The following DPYD variants were observed in gnomAD, a reference collection of about 807,000 sequenced individuals.
DPYD encodes dihydropyrimidine dehydrogenase [NADP(+)].
Under a neutral mutation model 116.2 loss-of-function variants are expected in DPYD, and 109 were observed. The ratio of observed to expected loss-of-function variants is 0.94; its 90% CI spans 0.80 to 1.10. DPYD has a LOEUF of 1.10. Ranked by LOEUF, DPYD falls within the 50% of genes least tolerant of loss-of-function variation. DPYD has a pLI of 0.00. For missense variants in DPYD, 1,302 were observed against 1,254.5 expected (o/e 1.04, Z -0.57); for synonymous variants, 440 against 432.0 (o/e 1.02, Z -0.23).
chr1:97,679,043 G>T, intron 8 of DPYD, 52 bp downstream of exon 8: 1 of 883,406 alleles, frequency 1.1e-6, no homozygotes, highest in Non-Finnish European at 1.7e-6. Flanking sequence ...GATATTGCTA[G>T]GAAATAAAAA....
intron 8 of DPYD, among the ~76,000 whole-genome samples, chr1:97,604,031 A>T (rs1405804138): frequency 6.6e-6 from 1 of 152,164 alleles, no homozygotes; most frequent in Admixed American, 6.6e-5. Flanking sequence ...AAAGTGAAAC[A>T]ATGCAAGACT....
intron 5 of DPYD, among the ~76,000 whole-genome samples, chr1:97,716,512 CAG>C (rs956265497): frequency 3.3e-5 from 5 of 152,028 alleles, no homozygotes; most frequent in African/African-American, 1.2e-4. Context: ...TGTATAAAAT[CAG>C]AGTTATTACA....
At chr1:97,412,879 T>G (rs1002852677) in intron 14 of DPYD, among the ~76,000 whole-genome samples, 1 of 152,100 alleles carries the variant, frequency 6.6e-6, no homozygotes, top group African/African-American at 2.4e-5. Flanking sequence ...AACAGAAAGG[T>G]GTCCTTCCCC....
At chr1:97,529,648 T>A (rs1232902028) in intron 12 of DPYD, among the ~76,000 whole-genome samples, 1 of 152,034 alleles carries the variant, frequency 6.6e-6, no homozygotes, top group Admixed American at 6.5e-5. Flanking sequence ...TTGCTTACTT[T>A]ATCCCTTCCT....
chr1:97,881,932 C>T (rs2101639185), intron 2 of DPYD, among the ~76,000 whole-genome samples: 1 of 151,658 alleles, frequency 6.6e-6, no homozygotes, highest in South Asian at 2.1e-4. Flanking sequence ...GGGTGCAGCA[C>T]ACCAGCACAT....
chr1:97,329,942 A>G (rs1668904054), intron 16 of DPYD, among the ~76,000 whole-genome samples: 1 of 151,508 alleles, frequency 6.6e-6, no homozygotes. Flanking sequence ...TCTTATTTCT[A>G]TGTTATTTCT....
chr1:97,664,883 CA>C (rs1255297253), intron 8 of DPYD, among the ~76,000 whole-genome samples: 2 of 152,094 alleles, frequency 1.3e-5, no homozygotes, highest in Non-Finnish European at 2.9e-5. Context: ...CACACATACA[CA>C]GGGGAAAAGA....
chr1:97,504,134 G>T (rs1679752116), intron 13 of DPYD, among the ~76,000 whole-genome samples: 1 of 151,962 alleles, frequency 6.6e-6, no homozygotes, highest in Non-Finnish European at 1.5e-5. Flanking sequence ...GGGATTATAT[G>T]AGTCCCACTG....
At chr1:97,464,751 G>C (rs1397910899) in intron 13 of DPYD, among the ~76,000 whole-genome samples, 1 of 152,162 alleles carries the variant, frequency 6.6e-6, no homozygotes, top group Non-Finnish European at 1.5e-5. Context: ...TGGATGCCCA[G>C]GGCAGCAAAA....
At chr1:97,592,512 G>A (rs1298790523) in intron 10 of DPYD, among the ~76,000 whole-genome samples, 5 of 152,000 alleles carry the variant, frequency 3.3e-5, no homozygotes, top group Non-Finnish European at 5.9e-5. Flanking sequence ...GATTACAGGC[G>A]CCCACCACCA....
rs116941791 is a variant in DPYD at position 97,423,547 on chromosome 1, G to C, written c.1905+26512C>G. Among the ~76,000 whole-genome samples, 400 of 152,166 alleles carry C rather than the reference G, an allele frequency of 2.6e-3. 4 individuals carry two copies. Among genetic ancestry groups the C allele is most frequent in the East Asian group, 0.024 (123 of 5,160 alleles). On this transcript the variant is annotated intron_variant, in intron 14 of 22. Transcript: ENST00000370192. ...AGCTGACATAGTACCCTGGTGACCCGAATGAGTTAATGCATTGTCCTAAAG... is the reference window on the plus strand; with the variant it reads ...AGCTGACATAGTACCCTGGTGACCCCAATGAGTTAATGCATTGTCCTAAAG...
intron 5 of DPYD, among the ~76,000 whole-genome samples, chr1:97,715,370 A>G (rs1435729025): frequency 2.6e-5 from 4 of 152,158 alleles, no homozygotes; most frequent in African/African-American, 7.2e-5. Flanking sequence ...AAGGATGCCA[A>G]TGTAAACCTA....
intron 18 of DPYD, among the ~76,000 whole-genome samples, chr1:97,300,522 T>C (rs1666798816): frequency 1.3e-5 from 2 of 152,106 alleles, no homozygotes; most frequent in South Asian, 2.1e-4. Context: ...AATTGTAATG[T>C]GTGGTGTAAG....
chr1:97,312,729 C>A (rs554939382), intron 16 of DPYD, among the ~76,000 whole-genome samples: 45 of 151,880 alleles, frequency 3.0e-4, no homozygotes, highest in African/African-American at 8.7e-4. Context: ...ACAGACTATG[C>A]ATTTATGCTG....
At chr1:97,909,662 T>C (rs545555479) in intron 1 of DPYD, among the ~76,000 whole-genome samples, 1 of 152,180 alleles carries the variant, frequency 6.6e-6, no homozygotes, top group East Asian at 1.9e-4. Flanking sequence ...TATATACACA[T>C]CCTTCCTCCT....
At chr1:97,608,117 T>C (rs1309725424) in intron 8 of DPYD, among the ~76,000 whole-genome samples, 1 of 151,820 alleles carries the variant, frequency 6.6e-6, no homozygotes, top group African/African-American at 2.4e-5. Context: ...AAAGAATGAA[T>C]TGGCCAGAAG....
intron 4 of DPYD, among the ~76,000 whole-genome samples, chr1:97,730,065 T>A (rs1663500555): frequency 6.6e-6 from 1 of 152,178 alleles, no homozygotes; most frequent in Admixed American, 6.6e-5. Context: ...TTTTGATGAT[T>A]GTGTTTGTTA....
At chr1:97,280,876 C>T (rs749098359) in intron 18 of DPYD, among the ~76,000 whole-genome samples, 3 of 151,936 alleles carry the variant, frequency 2.0e-5, no homozygotes, top group Non-Finnish European at 4.4e-5. Context: ...CAAGATACCT[C>T]GAAGATTTTA....
intron 1 of DPYD, among the ~76,000 whole-genome samples, chr1:97,900,114 C>A (rs899517833): frequency 6.6e-6 from 1 of 151,842 alleles, no homozygotes; most frequent in Non-Finnish European, 1.5e-5. Flanking sequence ...TTTAAGGAGT[C>A]TCATTAAAGG....
Sources: gnomAD v4.1 joint callset for allele counts (sites outside exome capture counted in the v4.1 genomes callset) on GRCh38, gnomAD v4.1.1 for gene constraint, MANE v1.5 for transcripts, NCBI Gene and HGNC (gene_info 2026-07-23, HGNC 2026-07-21) for gene names.